CYP2C18: variants seen among roughly 807,000 people sequenced by gnomAD.
CYP2C18 encodes the protein cytochrome P450 2C18.
Under a neutral mutation model 41.3 loss-of-function variants are expected in CYP2C18, and 38 were observed. The observed-to-expected ratio is 0.92, with a 90% CI of 0.71 to 1.21. The LOEUF (loss-of-function observed/expected upper bound fraction) is 1.21. Ranked by LOEUF, CYP2C18 falls within the 50% of genes most tolerant of loss-of-function variation. CYP2C18 has a pLI of 0.00. For missense variants in CYP2C18, 635 were observed against 591.4 expected (o/e 1.07, Z -0.77); for synonymous variants, 236 against 210.0 (o/e 1.12, Z -1.07).
At chr10:94,692,810 G>T (rs1405775540) in intron 3 of CYP2C18, among the ~76,000 whole-genome samples, 2 of 152,130 alleles carry the variant, frequency 1.3e-5, no homozygotes, top group South Asian at 4.1e-4. Context: ...AGAAAATGTG[G>T]CACATATACA....
At chr10:94,696,344 C>G (rs1230959487) in intron 4 of CYP2C18, among the ~76,000 whole-genome samples, 1 of 152,182 alleles carries the variant, frequency 6.6e-6, no homozygotes, top group Non-Finnish European at 1.5e-5. Flanking sequence ...ATTCTGCAAC[C>G]TCTGCTGCTG....
At chr10:94,693,815 C>G (rs1426015257) in intron 3 of CYP2C18, among the ~76,000 whole-genome samples, 1 of 152,138 alleles carries the variant, frequency 6.6e-6, no homozygotes, top group Non-Finnish European at 1.5e-5. Context: ...ATGATACTCT[C>G]ACATGTAAAG....
intron 4 of CYP2C18, among the ~76,000 whole-genome samples, chr10:94,698,177 C>T (rs545808805): frequency 6.6e-6 from 1 of 152,156 alleles, no homozygotes; most frequent in African/African-American, 2.4e-5. Flanking sequence ...ACAGAATATA[C>T]ATTCTTTTCA....
intron 1 of CYP2C18, 33 bp downstream of exon 1, chr10:94,684,020 CAAG>C (rs1846837141): frequency 6.6e-7 from 1 of 1,503,982 alleles, no homozygotes; most frequent in Non-Finnish European, 9.1e-7. Flanking sequence ...CAGTAATGTA[CAAG>C]GTGTATTTAA....
At chr10:94,706,427 C>T (rs1564642618) in intron 4 of CYP2C18, among the ~76,000 whole-genome samples, 2 of 152,144 alleles carry the variant, frequency 1.3e-5, no homozygotes, top group Non-Finnish European at 2.9e-5. Flanking sequence ...TTCAAATTTC[C>T]TTACCCTCTG....
chr10:94,720,377 T>A lies in CYP2C18; in HGVS notation c.820-19T>A. On this transcript the variant is annotated intron_variant, in intron 5 of 8. Coordinates refer to ENST00000285979, the MANE Select transcript of CYP2C18 (RefSeq NM_000772.3). ...GCTGGCAAACTACCAAATAATTAAA[T>A]TATGAAATAATTTTTTAGGAAAAGC... The A allele has an allele frequency of 6.3e-7, 1 of 1,574,836 alleles. No homozygotes were observed. The highest frequency in any genetic ancestry group is 8.6e-7 in the Non-Finnish European group (1 of 1,161,892).
chr10:94,714,477 C>A (rs1847503345), intron 5 of CYP2C18, among the ~76,000 whole-genome samples: 1 of 152,148 alleles, frequency 6.6e-6, no homozygotes, highest in South Asian at 2.1e-4. Flanking sequence ...TGTCAAAGAT[C>A]AGATGGTTGT....
chr10:94,732,954 T>A (rs1023605205), intron 7 of CYP2C18, among the ~76,000 whole-genome samples: 1 of 151,990 alleles, frequency 6.6e-6, no homozygotes. Flanking sequence ...AGGTAATCCA[T>A]GTGTGAGGTG....
chr10:94,732,945 G>A (rs1847858840), intron 7 of CYP2C18, among the ~76,000 whole-genome samples: 2 of 151,970 alleles, frequency 1.3e-5, no homozygotes, highest in Non-Finnish European at 2.9e-5. Context: ...CAACAAAAAA[G>A]GTAATCCATG....
chr10:94,723,232 G>A (rs911229998), intron 6 of CYP2C18, among the ~76,000 whole-genome samples: 1 of 152,094 alleles, frequency 6.6e-6, no homozygotes, highest in Admixed American at 6.6e-5. Flanking sequence ...CCATCCAAAT[G>A]TCTGAAACCA....
At chr10:94,726,167 A>G (rs567619202) in intron 7 of CYP2C18, among the ~76,000 whole-genome samples, 1 of 151,832 alleles carries the variant, frequency 6.6e-6, no homozygotes, top group African/African-American at 2.4e-5. Flanking sequence ...ATTCAGAATT[A>G]GATATCAACA....
intron 6 of CYP2C18, 65 bp downstream of exon 6, chr10:94,720,602 G>T (rs766297691): frequency 1.4e-6 from 2 of 1,456,222 alleles, no homozygotes; most frequent in Non-Finnish European, 1.9e-6. Flanking sequence ...CACTGCTATT[G>T]TCCTCAATCT....
In CYP2C18 at chr10:94,733,190, C is replaced by T. The variant is rs189248608; in HGVS notation, c.1150-107C>T. On this transcript the variant is annotated intron_variant, in intron 7 of 8. Transcript: ENST00000285979. ...GTGGGAATGTAACTTCTTTGGACCT[C>T]AATTTTCTTATCTATTGATAAAAGA... 19 of 1,134,400 alleles carry T rather than the reference C, an allele frequency of 1.7e-5. No homozygotes were observed. In the East Asian group the frequency reaches 4.4e-4, roughly 27 times the overall value. 70.3% of individuals were successfully genotyped at this position (1,134,400 alleles called of 1,614,324 possible).
chr10:94,701,160 A>C (rs1029446757), intron 4 of CYP2C18, among the ~76,000 whole-genome samples: 1 of 152,216 alleles, frequency 6.6e-6, no homozygotes, highest in Admixed American at 6.6e-5. Context: ...CTATAAAGAC[A>C]CATGCACACA....
intron 4 of CYP2C18, among the ~76,000 whole-genome samples, chr10:94,705,347 A>G (rs537988768): frequency 2.0e-5 from 3 of 152,206 alleles, no homozygotes; most frequent in African/African-American, 7.2e-5. Flanking sequence ...AACAACACAC[A>G]CTAGGGCCTG....
chr10:94,724,613 C>T, intron 7 of CYP2C18, 80 bp downstream of exon 7: 3 of 1,306,198 alleles, frequency 2.3e-6, no homozygotes, highest in South Asian at 1.2e-5. Flanking sequence ...CCTCTAACAA[C>T]ACATGATGAG....
chr10:94,715,331 C>T (rs1847519266), intron 5 of CYP2C18, among the ~76,000 whole-genome samples: 1 of 152,072 alleles, frequency 6.6e-6, no homozygotes, highest in African/African-American at 2.4e-5. Flanking sequence ...ATAAATAGCT[C>T]TTATTATTTT....
At chr10:94,687,995 TGG>T in intron 2 of CYP2C18, 63 bp downstream of exon 2, 1 of 1,596,418 alleles carries the variant, frequency 6.3e-7, no homozygotes, top group Middle Eastern at 1.7e-4. Context: ...GCTATAGGGA[TGG>T]GGAGGATGGA....
At position 94,706,911 on chromosome 10, in the gene CYP2C18, T is replaced by A. The variant is rs755720922; in HGVS notation, c.770T>A (p.Met257Lys). Residue 257 changes from methionine to lysine, a missense_variant, in exon 5 of 9, where the codon ATG (methionine) becomes AAG (lysine). By Grantham distance (95) the Met-to-Lys change is moderately conservative (BLOSUM62 -1). Transcript: ENST00000285979. ...AAAGAACATCAAGAATCCCTGGACATGAACAGTGCTCGGGACTTTATTGAT... is the reference window on the plus strand; with the variant it reads ...AAAGAACATCAAGAATCCCTGGACAAGAACAGTGCTCGGGACTTTATTGAT... ...RIKEHQESLD[M>K]NSARDFIDCF... The A allele has an allele frequency of 6.2e-7, 1 of 1,612,620 alleles. No individual in the cohort carries two copies. The highest frequency in any genetic ancestry group is 8.5e-7 in the Non-Finnish European group (1 of 1,179,362).
Sources: gnomAD v4.1 joint callset for allele counts (sites outside exome capture counted in the v4.1 genomes callset) on GRCh38, gnomAD v4.1.1 for gene constraint, MANE v1.5 for transcripts, NCBI Gene and HGNC (gene_info 2026-07-23, HGNC 2026-07-21) for gene names.